Variants in EDA observed in about 807,000 individuals in gnomAD.
The protein encoded by EDA is ectodysplasin-A.
A neutral mutation model predicts 23.6 loss-of-function variants in EDA; 2 were observed. The ratio of observed to expected loss-of-function variants is 0.08; its 90% CI spans 0.03 to 0.27. The LOEUF (loss-of-function observed/expected upper bound fraction) is 0.27, where lower values mean the gene tolerates loss of function less well. EDA is among the 10% of genes least tolerant of loss of function. EDA has a pLI of 1.00. For missense variants in EDA, 229 were observed against 324.2 expected (o/e 0.71, Z 2.26); for synonymous variants, 131 against 132.0 (o/e 0.99, Z 0.05).
chrX:69,916,774 G>A (rs929467580), intron 1 of EDA, among the ~76,000 whole-genome samples: 2 of 110,340 alleles, frequency 1.8e-5, no homozygotes, highest in Non-Finnish European at 3.8e-5. Flanking sequence ...CTAGTATGGT[G>A]CCTGGTATAA....
intron 1 of EDA, among the ~76,000 whole-genome samples, chrX:69,793,362 G>A (rs1417845938): frequency 1.4e-5 from 1 of 71,557 alleles, no homozygotes; most frequent in Non-Finnish European, 2.6e-5. Flanking sequence ...ACTCAAAGTG[G>A]TTCTAATAGT....
chrX:69,714,230 T>C (rs1182199817), intron 1 of EDA, among the ~76,000 whole-genome samples: 1 of 111,385 alleles, frequency 9.0e-6, no homozygotes, highest in African/African-American at 3.3e-5. Flanking sequence ...GTTAAGTGTC[T>C]CTTCATGTCT....
intron 1 of EDA, among the ~76,000 whole-genome samples, chrX:69,881,979 G>A (rs891820803): frequency 3.6e-5 from 4 of 110,761 alleles, no homozygotes; most frequent in Admixed American, 1.9e-4. Flanking sequence ...TCCATGACCC[G>A]AACACCTCCC....
At chrX:69,823,664 G>A (rs1476869974) in intron 1 of EDA, among the ~76,000 whole-genome samples, 1 of 96,076 alleles carries the variant, frequency 1.0e-5, no homozygotes, top group Non-Finnish European at 2.0e-5. Context: ...TCACTCTGAT[G>A]GTAGTTTCTT....
intron 1 of EDA, among the ~76,000 whole-genome samples, chrX:69,888,978 T>TAGAGATATATATATATATA (rs1556026049): frequency 6.2e-5 from 1 of 16,030 alleles, no homozygotes; most frequent in African/African-American, 2.3e-4. Flanking sequence ...TGTGGGGTAG[T>TAGAGATATATATATATATA]TATATATATA....
chrX:69,730,896 A>T (rs1421390405), intron 1 of EDA, among the ~76,000 whole-genome samples: 3 of 112,633 alleles, frequency 2.7e-5, no homozygotes, highest in Non-Finnish European at 5.6e-5. Flanking sequence ...CACATATGTC[A>T]GACGTTATCA....
chrX:69,669,558 G>A (rs1933810211), intron 1 of EDA, among the ~76,000 whole-genome samples: 1 of 111,196 alleles, frequency 9.0e-6, no homozygotes, highest in South Asian at 3.8e-4. Flanking sequence ...TTTTACCTTC[G>A]TTTTCCACAA....
chrX:69,726,397 C>T, intron 1 of EDA, among the ~76,000 whole-genome samples: 1 of 111,872 alleles, frequency 8.9e-6, no homozygotes. Flanking sequence ...TAGAAAATAC[C>T]ATTTTTCACA....
chrX:70,003,874 C>T (rs2019769280), intron 2 of EDA, among the ~76,000 whole-genome samples: 1 of 111,600 alleles, frequency 9.0e-6, no homozygotes, highest in African/African-American at 3.3e-5. Flanking sequence ...CCAATAACAT[C>T]CGTTGATGTC....
intron 1 of EDA, among the ~76,000 whole-genome samples, chrX:69,702,732 T>A (rs1202208822): frequency 9.1e-6 from 1 of 110,299 alleles, no homozygotes; most frequent in Non-Finnish European, 1.9e-5. Flanking sequence ...ATTGCCGAGG[T>A]TGGGTTGTGA....
intron 1 of EDA, among the ~76,000 whole-genome samples, chrX:69,885,300 C>G (rs1394729107): frequency 8.9e-6 from 1 of 111,844 alleles, no homozygotes; most frequent in South Asian, 3.7e-4. Flanking sequence ...ATCTCCAAAA[C>G]GTTATCATCT....
At chrX:69,959,564 G>C (rs1475271555) in intron 2 of EDA, among the ~76,000 whole-genome samples, 2 of 111,593 alleles carry the variant, frequency 1.8e-5, no homozygotes, top group African/African-American at 6.5e-5. Context: ...TATAGTACTT[G>C]AATAAACATT....
At chrX:70,021,399 C>A (rs1186357256) in intron 2 of EDA, among the ~76,000 whole-genome samples, 1 of 111,820 alleles carries the variant, frequency 8.9e-6, no homozygotes, top group East Asian at 2.8e-4. Flanking sequence ...TGGCTGTCTT[C>A]CTACTACTCT....
chrX:69,852,766 T>G (rs1374061743), intron 1 of EDA, among the ~76,000 whole-genome samples: 1 of 110,181 alleles, frequency 9.1e-6, no homozygotes, highest in Non-Finnish European at 1.9e-5. Context: ...CTGACTGGAG[T>G]GAGAAAAAAA....
intron 1 of EDA, among the ~76,000 whole-genome samples, chrX:69,775,183 G>T (rs2014743321): frequency 9.0e-6 from 1 of 111,374 alleles, no homozygotes; most frequent in Non-Finnish European, 1.9e-5. Flanking sequence ...TATTCTTCCA[G>T]TATTTTTGAC....
intron 1 of EDA, among the ~76,000 whole-genome samples, chrX:69,722,015 C>T (rs1383480743): frequency 9.0e-6 from 1 of 111,001 alleles, no homozygotes; most frequent in South Asian, 3.9e-4. Flanking sequence ...TAGACTTCTG[C>T]ACCTCTCTCA....
At chrX:69,740,013 T>C (rs990326465) in intron 1 of EDA, among the ~76,000 whole-genome samples, 11 of 111,430 alleles carry the variant, frequency 9.9e-5, no homozygotes, top group Admixed American at 7.6e-4. Context: ...TTCCTGTAGA[T>C]TCAAGTTACC....
chrX:69,864,536 T>C (rs76400812), intron 1 of EDA, among the ~76,000 whole-genome samples: 33,304 of 110,868 alleles, frequency 0.3, 4,702 homozygotes, highest in Middle Eastern at 0.55. Context: ...ATTCTGGTAA[T>C]AGGACAAAAC....
At chrX:69,939,183 T>C (rs1167313147) in intron 1 of EDA, among the ~76,000 whole-genome samples, 1 of 111,870 alleles carries the variant, frequency 8.9e-6, no homozygotes, top group Non-Finnish European at 1.9e-5. Context: ...TAGCTTGGGG[T>C]ACTATGAATA....
Sources: gnomAD v4.1 joint callset for allele counts (sites outside exome capture counted in the v4.1 genomes callset) on GRCh38, gnomAD v4.1.1 for gene constraint, MANE v1.5 for transcripts, NCBI Gene and HGNC (gene_info 2026-07-23, HGNC 2026-07-21) for gene names.